The following SLC10A7 variants were observed in gnomAD, a reference collection of about 807,000 sequenced individuals.
SLC10A7 encodes sodium/bile acid cotransporter 7.
SLC10A7 carries 29 observed loss-of-function variants against 43.2 expected under a neutral mutation model. The observed-to-expected ratio is 0.67, with a 90% confidence interval of 0.50 to 0.92. The LOEUF (loss-of-function observed/expected upper bound fraction) is 0.92, where lower values mean the gene tolerates loss of function less well. SLC10A7 is among the 40% of genes least tolerant of loss of function. SLC10A7 has a pLI of 0.00. For synonymous variants in SLC10A7, 152 were observed against 144.8 expected (o/e 1.05, Z -0.35); for missense variants, 295 against 403.2 (o/e 0.73, Z 2.30).
chr4:146,286,717 A>G (rs1262408174), intron 9 of SLC10A7, among the ~76,000 whole-genome samples: 48 of 147,820 alleles, frequency 3.2e-4, no homozygotes, highest in Middle Eastern at 3.8e-3. Context: ...GAGTGGTGAG[A>G]AGGACTGAGT....
In SLC10A7 at chr4:146,505,631, G is replaced by A. The variant is rs537940577; in HGVS notation, c.321-1707C>T. ...AAATAGGAAAAAAATGTTTAAACTC[G>A]TTTTGATTGAAGCATAAGAAAACCC... On this transcript the variant is annotated intron_variant, in intron 3 of 11. Coordinates refer to ENST00000335472, the MANE Select transcript of SLC10A7 (RefSeq NM_001029998.6). Among the ~76,000 whole-genome samples, 121 of 152,236 alleles carry A rather than the reference G, an allele frequency of 7.9e-4. 1 individual carries two copies. Among genetic ancestry groups the A allele is most frequent in the African/African-American group, 2.6e-3 (106 of 41,556 alleles).
intron 6 of SLC10A7, among the ~76,000 whole-genome samples, chr4:146,309,223 G>A (rs1179922233): frequency 6.6e-6 from 1 of 152,068 alleles, no homozygotes; most frequent in East Asian, 1.9e-4. Context: ...GTGAACCATT[G>A]TTCTGTGTAT....
intron 5 of SLC10A7, among the ~76,000 whole-genome samples, chr4:146,338,381 A>G (rs539259563): frequency 1.3e-5 from 2 of 152,034 alleles, no homozygotes; most frequent in East Asian, 3.9e-4. Context: ...CTCATTTTAC[A>G]GAGGAGAAAA....
chr4:146,422,898 T>A (rs988551956), intron 5 of SLC10A7, among the ~76,000 whole-genome samples: 4 of 152,134 alleles, frequency 2.6e-5, no homozygotes, highest in Admixed American at 2.0e-4. Flanking sequence ...AATCTTTACA[T>A]GTCCTTTCAT....
Position 146,344,376 on chromosome 4 carries a change from G to A in SLC10A7, c.436-18380C>T, listed in dbSNP as rs559241033. ...GTTTAATTGGTTCAAACAGATACACGGAAGAAGCGGTGAAAAGCAGAACTA... is the reference window on the plus strand; with the variant it reads ...GTTTAATTGGTTCAAACAGATACACAGAAGAAGCGGTGAAAAGCAGAACTA... On this transcript the variant is annotated intron_variant, in intron 5 of 11. Transcript: ENST00000335472. Among the ~76,000 whole-genome samples the A allele has an allele frequency of 2.0e-4, 31 of 152,122 alleles. 1 individual carries two copies. The South Asian group carries it at 5.8e-3, about 28-fold the overall frequency.
At chr4:146,340,834 C>G (rs986902154) in intron 5 of SLC10A7, among the ~76,000 whole-genome samples, 1 of 151,818 alleles carries the variant, frequency 6.6e-6, no homozygotes, top group African/African-American at 2.4e-5. Flanking sequence ...CTAATCATTT[C>G]AATATCTTCA....
chr4:146,269,771 C>T (rs924354999), intron 10 of SLC10A7, among the ~76,000 whole-genome samples: 4 of 152,164 alleles, frequency 2.6e-5, no homozygotes, highest in African/African-American at 9.7e-5. Flanking sequence ...TTCGTTGACT[C>T]TGCCACTGCC....
At chr4:146,463,725 A>G (rs1241050675) in intron 4 of SLC10A7, among the ~76,000 whole-genome samples, 2 of 152,060 alleles carry the variant, frequency 1.3e-5, no homozygotes, top group African/African-American at 4.8e-5. Context: ...TGGGTGACAG[A>G]GCAAGACCCT....
chr4:146,273,164 A>G (rs951499250), intron 10 of SLC10A7, among the ~76,000 whole-genome samples: 7 of 152,188 alleles, frequency 4.6e-5, no homozygotes, highest in Non-Finnish European at 1.5e-5. Context: ...ATATACTGTG[A>G]GGTGCCACTG....
chr4:146,259,299 A>G (rs1378318053), intron 10 of SLC10A7, among the ~76,000 whole-genome samples: 3 of 152,214 alleles, frequency 2.0e-5, no homozygotes, highest in African/African-American at 7.2e-5. Flanking sequence ...CGGTAAGATC[A>G]TGTATGGTAT....
At chr4:146,434,596 C>A (rs1730059053) in intron 5 of SLC10A7, among the ~76,000 whole-genome samples, 1 of 152,176 alleles carries the variant, frequency 6.6e-6, no homozygotes, top group African/African-American at 2.4e-5. Context: ...TGGAGTCTCG[C>A]TCTGTCGCCC....
At chr4:146,441,264 A>T (rs1730575712) in intron 5 of SLC10A7, among the ~76,000 whole-genome samples, 1 of 152,200 alleles carries the variant, frequency 6.6e-6, no homozygotes, top group Admixed American at 6.5e-5. Flanking sequence ...CCAAAGAACC[A>T]CAAGAACAAG....
chr4:146,301,057 A>G (rs1463018073), intron 7 of SLC10A7, among the ~76,000 whole-genome samples: 1 of 152,250 alleles, frequency 6.6e-6, no homozygotes. Flanking sequence ...AAGTACATGC[A>G]TATGTACTGA....
At chr4:146,501,781 C>T (rs924933056) in intron 4 of SLC10A7, among the ~76,000 whole-genome samples, 1 of 152,202 alleles carries the variant, frequency 6.6e-6, no homozygotes, top group Non-Finnish European at 1.5e-5. Context: ...CAACAGCAAC[C>T]TCATCCTTGC....
chr4:146,428,374 T>C (rs1185576790), intron 5 of SLC10A7, among the ~76,000 whole-genome samples: 1 of 152,216 alleles, frequency 6.6e-6, no homozygotes, highest in Non-Finnish European at 1.5e-5. Context: ...TTTTAACCGC[T>C]GACAAGATGA....
intron 5 of SLC10A7, among the ~76,000 whole-genome samples, chr4:146,358,779 C>T (rs1195555850): frequency 6.6e-6 from 1 of 151,326 alleles, no homozygotes; most frequent in African/African-American, 2.4e-5. Flanking sequence ...TGATGATGGA[C>T]ATTTGAATTT....
At chr4:146,424,817 T>C (rs1258149306) in intron 5 of SLC10A7, among the ~76,000 whole-genome samples, 1 of 152,212 alleles carries the variant, frequency 6.6e-6, no homozygotes, top group Non-Finnish European at 1.5e-5. Context: ...ACATTTCTTA[T>C]ACATATGAAG....
intron 10 of SLC10A7, among the ~76,000 whole-genome samples, chr4:146,259,348 C>A (rs1728076616): frequency 6.6e-6 from 1 of 152,118 alleles, no homozygotes; most frequent in East Asian, 1.9e-4. Context: ...GTCAACTGGA[C>A]CTTAAAGGAT....
chr4:146,444,482 A>G (rs1326428105), intron 4 of SLC10A7, among the ~76,000 whole-genome samples: 1 of 152,206 alleles, frequency 6.6e-6, no homozygotes, highest in Non-Finnish European at 1.5e-5. Context: ...GACAAATAAT[A>G]TCATACTCAT....
Sources: allele counts gnomAD v4.1 joint callset (sites outside exome capture counted in the v4.1 genomes callset), GRCh38; gene constraint gnomAD v4.1.1; transcripts MANE v1.5; gene names NCBI Gene and HGNC (gene_info 2026-07-23, HGNC 2026-07-21).